The following OPRM1 variants were observed in gnomAD, a reference collection of about 807,000 sequenced individuals.
OPRM1 encodes the protein mu-type opioid receptor.
A neutral mutation model predicts 31.8 loss-of-function variants in OPRM1; 27 were observed. The observed-to-expected ratio is 0.85, with a 90% confidence interval of 0.63 to 1.17. The LOEUF is 1.17. Ranked by LOEUF, OPRM1 falls within the 50% of genes most tolerant of loss-of-function variation. The probability of loss-of-function intolerance (pLI) is 0.00; values close to 1 mark genes in which losing one functional copy is unlikely to be tolerated. For missense variants in OPRM1, 536 were observed against 511.1 expected (o/e 1.05, Z -0.47); for synonymous variants, 196 against 189.9 (o/e 1.03, Z -0.26).
At chr6:154,011,024 G>A (rs1300386504) in intron 1 of OPRM1, 1 of 1,290,080 alleles carries the variant, frequency 7.8e-7, no homozygotes, top group Non-Finnish European at 1.0e-6. Context: ...CCAGGGTAGG[G>A]TACAGCTCAT....
Position 154,097,586 on chromosome 6 carries a change from CGT to C in OPRM1, c.1164+6136_1164+6137del, listed in dbSNP as rs5881063. On this transcript the variant is annotated intron_variant, in intron 3 of 3. Transcript: ENST00000330432. ...CTACAGTTTAAAAAGAAAATGGTTC[CGT>C]GTGTGTGTGTGTGTGTGTGTGCGTG... Among the ~76,000 whole-genome samples the C allele has an allele frequency of 6.5e-4, 97 of 149,632 alleles. No homozygotes were observed. The East Asian group carries it at 0.012, about 19-fold the overall frequency.
chr6:154,168,773 T>C lies in OPRM1; in HGVS notation c.1164+77301T>C, dbSNP rs1040825718. Among the ~76,000 whole-genome samples the C allele has an allele frequency of 6.6e-6, 1 of 151,850 alleles. No individual in the cohort carries two copies. The highest frequency in any genetic ancestry group is 1.5e-5 in the Non-Finnish European group (1 of 67,970). Reference sequence around the variant, plus strand: ...GGCACCTGCCACCATGCCCGGCTCATTTTTATATTTTTAGTACAGACAGGG... The same window carrying C: ...GGCACCTGCCACCATGCCCGGCTCACTTTTATATTTTTAGTACAGACAGGG... On this transcript the variant is annotated intron_variant, in intron 3 of 3. Transcript: ENST00000337049. The surrounding 1 kb of genome is among the most constrained non-coding windows in gnomAD (Gnocchi z 4.1).
At chr6:154,173,556 G>T (rs952500915) in intron 3 of OPRM1, among the ~76,000 whole-genome samples, 2 of 152,034 alleles carry the variant, frequency 1.3e-5, no homozygotes, top group Non-Finnish European at 2.9e-5. Context: ...TCAATCAAGT[G>T]GAAGAAAGGG....
chr6:154,026,256 C>T (rs554832334), intron 1 of OPRM1, among the ~76,000 whole-genome samples: 1 of 151,934 alleles, frequency 6.6e-6, no homozygotes, highest in East Asian at 1.9e-4. Context: ...TATGTCATGC[C>T]ACTCTCTCCT....
intron 3 of OPRM1, among the ~76,000 whole-genome samples, chr6:154,099,970 C>T (rs9371774): frequency 0.17 from 22,054 of 128,552 alleles, 1,928 homozygotes; most frequent in East Asian, 0.38. Flanking sequence ...TATCATATTA[C>T]GATATATATC....
At chr6:154,162,378 C>T (rs1385493700) in intron 3 of OPRM1, among the ~76,000 whole-genome samples, 3 of 152,188 alleles carry the variant, frequency 2.0e-5, no homozygotes, top group Non-Finnish European at 4.4e-5. Context: ...AGATTCAGTC[C>T]CATCAGGGTT....
At chr6:154,223,353 C>T in intron 3 of OPRM1, 1 of 817,492 alleles carries the variant, frequency 1.2e-6, no homozygotes, top group Non-Finnish European at 2.0e-6. Flanking sequence ...GAGGGAGAAT[C>T]AAGAGATACC....
intron 1 of OPRM1, among the ~76,000 whole-genome samples, chr6:154,017,592 A>G (rs993299682): frequency 2.0e-5 from 3 of 152,134 alleles, no homozygotes; most frequent in Admixed American, 6.6e-5. Flanking sequence ...TACCCAATAC[A>G]CTGTCTGGCA....
intron 1 of OPRM1, among the ~76,000 whole-genome samples, chr6:154,084,832 A>C (rs1262557529): frequency 2.6e-5 from 4 of 152,070 alleles, no homozygotes; most frequent in African/African-American, 4.8e-5. Context: ...AAAAGAGATG[A>C]AACTCTTCCG....
intron 3 of OPRM1, chr6:154,246,455 T>G: frequency 9.7e-7 from 1 of 1,031,832 alleles, no homozygotes; most frequent in Non-Finnish European, 1.4e-6. Flanking sequence ...CAGAAATGGC[T>G]TCTATAACTT....
In OPRM1 at chr6:154,143,715, T is replaced by A. The variant is rs562147127; in HGVS notation, c.1164+52243T>A. Among the ~76,000 whole-genome samples the A allele has an allele frequency of 1.4e-4, 21 of 152,320 alleles. No homozygotes were observed. In the South Asian group the frequency reaches 3.7e-3, roughly 27 times the overall value. Reference sequence around the variant, plus strand: ...TTCACCCTAATGAATGGGATTAATCTCACTTTAAAAGGGCAAGTTTGGTCC... The same window carrying A: ...TTCACCCTAATGAATGGGATTAATCACACTTTAAAAGGGCAAGTTTGGTCC... On this transcript the variant is annotated intron_variant, in intron 3 of 3. Coordinates refer to the OPRM1 transcript ENST00000337049.
chr6:154,143,673 G>A (rs2128538956), intron 3 of OPRM1, among the ~76,000 whole-genome samples: 1 of 152,336 alleles, frequency 6.6e-6, no homozygotes, highest in Non-Finnish European at 1.5e-5. Context: ...TTTAAGAGGT[G>A]ATTGGGCTAT....
chr6:154,212,921 A>G, intron 3 of OPRM1: 1 of 1,115,358 alleles, frequency 9.0e-7, no homozygotes. Context: ...ATGCATGAGC[A>G]GAGGTTTATC....
At chr6:154,110,755 C>T (rs1043253000) in intron 3 of OPRM1, among the ~76,000 whole-genome samples, 5 of 151,894 alleles carry the variant, frequency 3.3e-5, no homozygotes, top group African/African-American at 4.8e-5. Context: ...GGCGTGGTGG[C>T]GGGCACCTGT....
chr6:154,108,718 C>A, intron 3 of OPRM1: 1 of 926,570 alleles, frequency 1.1e-6, no homozygotes, highest in Non-Finnish European at 1.3e-6. Flanking sequence ...CACCCTAAAT[C>A]TTAGAAGAGA....
At chr6:154,212,183 A>G (rs1389685367) in intron 3 of OPRM1, among the ~76,000 whole-genome samples, 1 of 152,216 alleles carries the variant, frequency 6.6e-6, no homozygotes, top group East Asian at 1.9e-4. Flanking sequence ...GAGCATCTAA[A>G]TATGAAGCTA....
At chr6:154,029,819 T>C (rs981777903) in intron 1 of OPRM1, among the ~76,000 whole-genome samples, 1 of 151,972 alleles carries the variant, frequency 6.6e-6, no homozygotes. Flanking sequence ...TATAGGAGGG[T>C]TTTTCCCCCT....
intron 1 of OPRM1, among the ~76,000 whole-genome samples, chr6:154,068,347 G>A (rs897511823): frequency 3.9e-5 from 6 of 151,916 alleles, no homozygotes; most frequent in African/African-American, 1.5e-4. Context: ...TGTCTTCTTT[G>A]ATCTATATAA....
At chr6:154,038,935 G>C (rs1174240039), upstream of OPRM1, among the ~76,000 whole-genome samples, 1 of 152,178 alleles carries the variant, frequency 6.6e-6, no homozygotes, top group African/African-American at 2.4e-5. Flanking sequence ...AAAGAAAATT[G>C]TGTGTCCCCC....
Sources: gnomAD v4.1 joint callset for allele counts (sites outside exome capture counted in the v4.1 genomes callset) on GRCh38, gnomAD v4.1.1 for gene constraint, Gnocchi (gnomAD v3.1) non-coding constraint, MANE v1.5 for transcripts, NCBI Gene and HGNC (gene_info 2026-07-23, HGNC 2026-07-21) for gene names.